PMFBP1: variants seen among roughly 807,000 people sequenced by gnomAD.
The protein encoded by PMFBP1 is polyamine modulated factor 1 binding protein 1, also known as polyamine-modulated factor 1-binding protein 1.
A neutral mutation model predicts 137.8 loss-of-function variants in PMFBP1; 131 were observed. The ratio of observed to expected loss-of-function variants is 0.95; its 90% CI spans 0.82 to 1.10. PMFBP1 has a LOEUF of 1.10. Among genes scored for constraint, PMFBP1 ranks in the 50% least tolerant of loss-of-function variants. The pLI, the probability that PMFBP1 is intolerant of heterozygous loss-of-function variation, is 0.00. For missense variants in PMFBP1, 1,199 were observed against 1,175.4 expected (o/e 1.02, Z -0.29); for synonymous variants, 490 against 450.4 (o/e 1.09, Z -1.11).
At chr16:72,136,841 C>A in intron 7 of PMFBP1, 22 bp from the exon 8 acceptor site, 1 of 1,613,782 alleles carries the variant, frequency 6.2e-7, no homozygotes, top group Non-Finnish European at 8.5e-7. Context: ...AAGAACAGGG[C>A]AGGATGAGGA....
Position 72,126,100 on chromosome 16 carries a change from C to A in PMFBP1, c.2121G>T (p.Leu707=), listed in dbSNP as rs368797957. Residue 707 remains leucine, a synonymous_variant, in exon 15 of 21, where the codon CTG becomes CTT. Coordinates refer to ENST00000237353, the MANE Select transcript of PMFBP1 (RefSeq NM_031293.3). ...IALQKESLMS[L]QAQLDKALQK... ...GCAGAGCTTTGTCCAGCTGGGCCTG[C>A]AGGCTCATTAAGGACTCCTTCTGAA... The A allele has an allele frequency of 6.2e-7, 1 of 1,614,146 alleles. No homozygotes were observed. Among genetic ancestry groups the A allele is most frequent in the South Asian group, 1.1e-5 (1 of 91,084 alleles).
chr16:72,140,677 A>G (rs1450261964), intron 5 of PMFBP1, 95 bp from the exon 6 acceptor site: 28 of 1,155,806 alleles, frequency 2.4e-5, no homozygotes, highest in Non-Finnish European at 3.4e-5. Flanking sequence ...CCTATATTCT[A>G]AAGGTATATG....
In PMFBP1 at chr16:72,119,977, C is replaced by A. The variant is rs1442950132; in HGVS notation, c.2881G>T (p.Gly961Cys). 3.1e-6 allele frequency: 5 copies of A among 1,614,124 alleles called. No individual in the cohort carries two copies. In the South Asian group the frequency reaches 5.5e-5, roughly 18 times the overall value. Reference sequence around the variant, plus strand: ...TGTGTGGACTCCGTTCTGCTCGGGCCTAGGGCTTTGGTGCATAGCCTTGTG... The same window carrying A: ...TGTGTGGACTCCGTTCTGCTCGGGCATAGGGCTTTGGTGCATAGCCTTGTG... ...ENTRLCTKAL[G>C]PSRTESTQRE... Residue 961 changes from glycine to cysteine, a missense_variant, in exon 20 of 21, where the codon GGC becomes TGC. Coordinates refer to ENST00000237353, the MANE Select transcript of PMFBP1 (RefSeq NM_031293.3).
chr16:72,192,773 A>G, the PMFBP1 span, among the ~76,000 whole-genome samples: 1 of 152,068 alleles, frequency 6.6e-6, no homozygotes, highest in East Asian at 1.9e-4. Context: ...GTGGTGGCAC[A>G]TGCCTGTAGT....
the PMFBP1 span, among the ~76,000 whole-genome samples, chr16:72,219,367 T>C: frequency 6.6e-6 from 1 of 151,890 alleles, no homozygotes; most frequent in East Asian, 1.9e-4. Flanking sequence ...TCTGCACTAG[T>C]GTAGGTGAGA....
At position 72,132,971 on chromosome 16, in the gene PMFBP1, C is replaced by A; in HGVS notation, c.1224G>T (p.Glu408Asp). The change falls in exon 10 of 21, where the codon GAG becomes GAT. Residue 408 changes from glutamate (E) to aspartate (D), a missense_variant. Physicochemically the swap from Glu to Asp is conservative, Grantham distance 45. Coordinates refer to ENST00000237353, the MANE Select transcript of PMFBP1 (RefSeq NM_031293.3). ...KKDKFLQEKD[E>D]MLQELEKKLT... is the part of the protein sequence containing the mutation. The stretch of plus-strand genomic sequence containing the variant: ...GTTTCTTCTCCAGCTCTTGCAGCAT[C>A]TCATCTTTCTCTTGGAGGAACTGAA... 1 of 1,614,126 alleles carries A rather than the reference C, an allele frequency of 6.2e-7. No homozygotes were observed. The highest frequency in any genetic ancestry group is 8.5e-7 in the Non-Finnish European group (1 of 1,180,024).
At chr16:72,202,587 C>T in the PMFBP1 span, among the ~76,000 whole-genome samples, 1 of 152,176 alleles carries the variant, frequency 6.6e-6, no homozygotes, top group African/African-American at 2.4e-5. Flanking sequence ...CTGACATCAA[C>T]ACTTCATTGG....
Position 72,125,974 on chromosome 16 carries a change from G to A in PMFBP1, c.2247C>T (p.Leu749=), listed in dbSNP as rs373552286. The A allele has an allele frequency of 6.8e-6, 11 of 1,614,064 alleles. No homozygotes were observed. Among genetic ancestry groups the A allele is most frequent in the Middle Eastern group, 3.3e-4 (2 of 6,058 alleles). Reference sequence around the variant, plus strand: ...CTAGAGGGTGTGGCCTCACCTTCTCGAGGGCTTGTGTCAGGTCATCCTGGC... The same window carrying A: ...CTAGAGGGTGTGGCCTCACCTTCTCAAGGGCTTGTGTCAGGTCATCCTGGC... ...AACQDDLTQA[L]EKLNHVTSET... Residue 749 remains leucine (L), a synonymous_variant, in exon 15 of 21, where the codon CTC becomes CTT. Transcript: ENST00000237353.
chr16:72,140,467 T>C lies in PMFBP1; in HGVS notation c.752A>G (p.Gln251Arg), dbSNP rs148861582. 133 of 1,613,852 alleles carry C rather than the reference T, an allele frequency of 8.2e-5. No homozygotes were observed. The African/African-American group carries it at 1.3e-3, about 16-fold the overall frequency. The change falls in exon 6 of 21, where the codon CAA (glutamine) becomes CGA (arginine). Residue 251 changes from glutamine (Q) to arginine (R), a missense_variant. By Grantham distance (43) the Gln-to-Arg change is conservative. Transcript: ENST00000237353. ...RLSEVWQKVS[Q>R]QDDLIQELRN... The stretch of plus-strand genomic sequence containing the variant: ...AAGTTCTTGAATGAGATCATCCTGT[T>C]GAGAGACCTTTTGCCAGACTTCAGA...
At chr16:72,213,397 G>A in the PMFBP1 span, among the ~76,000 whole-genome samples, 1 of 152,180 alleles carries the variant, frequency 6.6e-6, no homozygotes, top group Non-Finnish European at 1.5e-5. Flanking sequence ...CTTCCATCCT[G>A]CTCTCTCACT....
chr16:72,120,198 A>G (rs138611363), intron 19 of PMFBP1, 109 bp from the exon 20 acceptor site: 5 of 1,546,386 alleles, frequency 3.2e-6, no homozygotes, highest in East Asian at 2.2e-5. Context: ...ACAGATGCCC[A>G]GGTCTGTTCA....
chr16:72,178,487 T>G (rs949307783), upstream of PMFBP1, among the ~76,000 whole-genome samples: 1 of 152,196 alleles, frequency 6.6e-6, no homozygotes, highest in South Asian at 2.1e-4. Context: ...GGGGGTCTTC[T>G]TTTTCCTTTA....
the PMFBP1 span, among the ~76,000 whole-genome samples, chr16:72,238,507 T>C: frequency 2.0e-3 from 299 of 152,344 alleles, 1 homozygote; most frequent in African/African-American, 6.8e-3. Context: ...ATGGGATTTT[T>C]TTCTTGTAAA....
chr16:72,159,859 T>G (rs2043036394), intron 3 of PMFBP1, among the ~76,000 whole-genome samples: 1 of 152,198 alleles, frequency 6.6e-6, no homozygotes, highest in Admixed American at 6.5e-5. Flanking sequence ...AAGAGTCTTC[T>G]TTGACTTTTA....
chr16:72,164,940 C>T (rs771049772), intron 2 of PMFBP1, 24 bp from the exon 3 acceptor site: 2 of 1,567,156 alleles, frequency 1.3e-6, no homozygotes, highest in Non-Finnish European at 1.7e-6. Flanking sequence ...AAAACAAAAG[C>T]ATCAATTATA....
the PMFBP1 span, among the ~76,000 whole-genome samples, chr16:72,241,661 T>C: frequency 2.0e-5 from 3 of 152,166 alleles, no homozygotes; most frequent in Non-Finnish European, 4.4e-5. Context: ...GGAAGGCTGT[T>C]TTCATCTACT....
At chr16:72,222,280 G>A in the PMFBP1 span, among the ~76,000 whole-genome samples, 1 of 152,110 alleles carries the variant, frequency 6.6e-6, no homozygotes, top group Admixed American at 6.6e-5. Flanking sequence ...CATAACCCTG[G>A]CATGTTAAAC....
Position 72,124,815 on chromosome 16 carries a change from C to G in PMFBP1, c.2541G>C (p.Gln847His), listed in dbSNP as rs752567331. ...AAKEEQLREF[Q>H]EEMAALKENL... is the part of the protein sequence containing the mutation. Reference sequence around the variant, plus strand: ...TCTCTTTTAAGGCGGCCATCTCCTCCTGGAACTCCCTGAGCTGCTCCTCTT... The same window carrying G: ...TCTCTTTTAAGGCGGCCATCTCCTCGTGGAACTCCCTGAGCTGCTCCTCTT... Residue 847 changes from glutamine to histidine, a missense_variant, in exon 17 of 21, where the codon CAG (glutamine) becomes CAC (histidine). Physicochemically the swap from Gln to His is conservative, Grantham distance 24. Transcript: ENST00000237353. The G allele has an allele frequency of 6.2e-7, 1 of 1,614,180 alleles. No homozygotes were observed. Among genetic ancestry groups the G allele is most frequent in the Non-Finnish European group, 8.5e-7 (1 of 1,180,008 alleles).
At chr16:72,145,549 T>C (rs1216508387) in intron 5 of PMFBP1, among the ~76,000 whole-genome samples, 4 of 149,384 alleles carry the variant, frequency 2.7e-5, no homozygotes, top group South Asian at 2.1e-4. Flanking sequence ...CTGAAGGAGA[T>C]AGAGACACAA....
Sources: allele counts gnomAD v4.1 joint callset (sites outside exome capture counted in the v4.1 genomes callset), GRCh38; gene constraint gnomAD v4.1.1; transcripts MANE v1.5; gene names NCBI Gene and HGNC (gene_info 2026-07-23, HGNC 2026-07-21).